RASA2: variants seen among roughly 807,000 people sequenced by gnomAD.
RASA2 encodes the protein RAS p21 protein activator 2.
In RASA2, 155 loss-of-function variants were observed where a neutral mutation model predicts 118.2. The observed-to-expected ratio is 1.31, with a 90% CI of 1.15 to 1.50. The LOEUF (loss-of-function observed/expected upper bound fraction) is 1.50. Among genes scored for constraint, RASA2 ranks in the 40% most tolerant of loss-of-function variants. The pLI is 0.00. For missense variants in RASA2, 1,016 were observed against 1,009.6 expected, an observed-to-expected ratio of 1.01 and a Z score of -0.09; for synonymous variants, 353 against 349.1, an observed-to-expected ratio of 1.01 and a Z score of -0.12.
At chr3:141,544,051 T>G (rs555725522) in intron 5 of RASA2, among the ~76,000 whole-genome samples, 33 of 151,982 alleles carry the variant, frequency 2.2e-4, no homozygotes, top group African/African-American at 8.0e-4. Flanking sequence ...AATTTTTACA[T>G]TTTTAGTAGA....
intron 6 of RASA2, 37 bp from the exon 7 acceptor site, chr3:141,555,803 A>T: frequency 6.5e-7 from 1 of 1,540,874 alleles, no homozygotes; most frequent in Non-Finnish European, 8.9e-7. Flanking sequence ...GTGTACTGTT[A>T]AGTTCTACAA....
rs1013782053 is a variant in RASA2, at chr3:141,526,692, A to G, written c.356-3016A>G. On this transcript the variant is annotated intron_variant, in intron 3 of 23. Coordinates refer to ENST00000286364, the MANE Select transcript of RASA2 (RefSeq NM_006506.5). ...TCTTCAGGCCAACTGGCCTCATGCA[A>G]CTAGATCTTTACATATCAGAAACTG... Among the ~76,000 whole-genome samples, 8 of 152,318 alleles carry G rather than the reference A, an allele frequency of 5.3e-5. No homozygotes were observed. In the South Asian group the frequency reaches 1.4e-3, roughly 28 times the overall value.
Position 141,573,148 on chromosome 3 carries a change from T to G in RASA2, c.1286T>G (p.Ile429Arg). ...TTAACTGAAAAATTTATTTTTCAGA[T>G]ATGTGACTCCTCAAAATCCTGTGAA... ...KVTLKPILDE[I>R]CDSSKSCEID... is the part of the protein sequence containing the mutation. The change falls in exon 13 of 24, where the codon ATA becomes AGA. Residue 429 changes from isoleucine (I) to arginine (R), a missense_variant and splice_region_variant. Ile to Arg is a moderately conservative substitution (Grantham distance 97). Around this residue, in one of 2 missense-constraint regions of RASA2, gnomAD observed 896 missense variants for 836.4 expected, o/e 1.07. Coordinates refer to ENST00000286364, the MANE Select transcript of RASA2 (RefSeq NM_006506.5). 6.4e-7 allele frequency: 1 copy of G among 1,553,958 alleles called. No homozygotes were observed. The highest frequency in any genetic ancestry group is 8.6e-7 in the Non-Finnish European group (1 of 1,159,218).
intron 20 of RASA2, among the ~76,000 whole-genome samples, chr3:141,607,985 G>A (rs1321821557): frequency 1.3e-5 from 2 of 152,062 alleles, no homozygotes; most frequent in Non-Finnish European, 2.9e-5. Context: ...TATTGTTGAT[G>A]CCTCATATAG....
In RASA2 at chr3:141,594,051, A is replaced by T. The variant is rs139432174; in HGVS notation, c.1933+7299A>T. Among the ~76,000 whole-genome samples, 318 of 152,338 alleles carry T rather than the reference A, an allele frequency of 2.1e-3. 1 individual carries two copies. The highest frequency in any genetic ancestry group is 2.4e-3 in the Non-Finnish European group (161 of 68,014). On this transcript the variant is annotated intron_variant, in intron 19 of 23. Transcript: ENST00000286364. Reference sequence around the variant, plus strand: ...TCTATTATAAATATTTCAAGGACTTAGTGGAAAAGTAGTCATCATGAGTAA... The same window carrying T: ...TCTATTATAAATATTTCAAGGACTTTGTGGAAAAGTAGTCATCATGAGTAA...
intron 16 of RASA2, 64 bp from the exon 17 acceptor site, chr3:141,581,036 A>G (rs1179400742): frequency 1.4e-6 from 2 of 1,417,444 alleles, no homozygotes; most frequent in Non-Finnish European, 1.8e-6. Context: ...GCTTAAAAAT[A>G]CAGTCCATTC....
chr3:141,540,257 CT>C (rs1256890028), intron 4 of RASA2, among the ~76,000 whole-genome samples: 1 of 151,948 alleles, frequency 6.6e-6, no homozygotes, highest in Non-Finnish European at 1.5e-5. Context: ...ATTGTCTTTC[CT>C]TTTAGTCTGT....
intron 4 of RASA2, among the ~76,000 whole-genome samples, chr3:141,536,643 G>A (rs1466676616): frequency 6.6e-6 from 1 of 152,082 alleles, no homozygotes; most frequent in African/African-American, 2.4e-5. Context: ...AACATTTTCT[G>A]ACATACATGA....
chr3:141,523,934 T>A (rs1009040315), intron 3 of RASA2, among the ~76,000 whole-genome samples: 32 of 152,254 alleles, frequency 2.1e-4, no homozygotes, highest in African/African-American at 7.7e-4. Flanking sequence ...TCCAACACTT[T>A]GAATTGTAAT....
chr3:141,591,377 T>C (rs2083282852), intron 19 of RASA2, among the ~76,000 whole-genome samples: 1 of 152,342 alleles, frequency 6.6e-6, no homozygotes, highest in East Asian at 1.9e-4. Context: ...AAGCCTCATA[T>C]GGCTACCTCA....
At chr3:141,558,766 T>C in intron 7 of RASA2, 120 bp from the exon 8 acceptor site, 2 of 785,332 alleles carry the variant, frequency 2.5e-6, no homozygotes, top group Non-Finnish European at 4.2e-6. Flanking sequence ...AGTAAAATAT[T>C]ACTTGGACAT....
At chr3:141,555,158 G>A (rs542680387) in intron 6 of RASA2, among the ~76,000 whole-genome samples, 188 of 152,328 alleles carry the variant, frequency 1.2e-3, no homozygotes, top group Non-Finnish European at 2.2e-3. Flanking sequence ...CTACTCGGGA[G>A]GCTGAGGCAG....
intron 19 of RASA2, among the ~76,000 whole-genome samples, chr3:141,604,954 A>T (rs1577828134): frequency 6.6e-6 from 1 of 151,040 alleles, no homozygotes; most frequent in African/African-American, 2.4e-5. Flanking sequence ...GAACAGGAAT[A>T]AAAAAAAATG....
Position 141,487,133 on chromosome 3 carries a change from C to T in RASA2, c.50C>T (p.Ala17Val). The change falls in exon 1 of 24, where the codon GCG (alanine) becomes GTG (valine). Residue 17 changes from alanine to valine, a missense_variant. Physicochemically the swap from Ala to Val is moderately conservative, Grantham distance 64 (BLOSUM62 0). Transcript: ENST00000286364. ...GCGGCGGCTTCTTCCGAGGCGCCAG[C>T]GGCGAGTGCGACTGCAGAGCCCGAG... is the stretch of plus-strand genomic sequence containing the variant. Reference protein sequence around the residue: ...AAAAASSEAPAASATAEPEAG... With the variant: ...AAAAASSEAPVASATAEPEAG... 2 of 1,445,192 alleles carry T rather than the reference C, an allele frequency of 1.4e-6. No individual in the cohort carries two copies. Among genetic ancestry groups the T allele is most frequent in the South Asian group, 1.3e-5 (1 of 74,738 alleles). 89.5% of individuals were successfully genotyped at this position (1,445,192 alleles called of 1,614,324 possible). A position where few individuals can be genotyped will look rare whatever the true frequency, so the allele number is the denominator to read the frequency against.
chr3:141,508,845 C>G (rs2081908206), intron 1 of RASA2, among the ~76,000 whole-genome samples: 1 of 151,238 alleles, frequency 6.6e-6, no homozygotes, highest in Non-Finnish European at 1.5e-5. Context: ...AAGGCGCATG[C>G]TCATTTATAT....
chr3:141,551,056 TTC>T (rs1305183229), intron 5 of RASA2, among the ~76,000 whole-genome samples: 1 of 152,252 alleles, frequency 6.6e-6, no homozygotes, highest in Non-Finnish European at 1.5e-5. Context: ...TCATTTCTGA[TTC>T]TGTTTCTATT....
intron 19 of RASA2, among the ~76,000 whole-genome samples, chr3:141,593,039 A>G (rs1257470393): frequency 6.6e-6 from 1 of 152,134 alleles, no homozygotes; most frequent in African/African-American, 2.4e-5. Context: ...AAAGAAAGGA[A>G]CCATGCTGGC....
intron 15 of RASA2, 55 bp downstream of exon 15, chr3:141,577,161 TGAA>T: frequency 7.3e-7 from 1 of 1,364,966 alleles, no homozygotes; most frequent in Non-Finnish European, 1.0e-6. Flanking sequence ...TTTATTAAAA[TGAA>T]GAAAAGATAA....
Position 141,577,263 on chromosome 3 carries a change from G to A in RASA2, c.1590+157G>A, listed in dbSNP as rs192949941. On this transcript the variant is annotated intron_variant, in intron 15 of 23. Coordinates refer to ENST00000286364, the MANE Select transcript of RASA2 (RefSeq NM_006506.5). ...TCTTGGCCATTTCAGTCTTTCAAGT[G>A]AGGCTAATAATCCTATTTTTTGTTG... Among the ~76,000 whole-genome samples, 4 of 152,228 alleles carry A rather than the reference G, an allele frequency of 2.6e-5. No homozygotes were observed. The East Asian group carries it at 7.7e-4, about 29-fold the overall frequency.
Sources: gnomAD v4.1 joint callset for allele counts (sites outside exome capture counted in the v4.1 genomes callset) on GRCh38, gnomAD v4.1.1 for gene constraint, gnomAD v4.1.1 regional missense constraint, MANE v1.5 for transcripts, NCBI Gene and HGNC (gene_info 2026-07-23, HGNC 2026-07-21) for gene names.